The following NRG1 variants were observed in gnomAD, a reference collection of about 807,000 sequenced individuals.
NRG1 encodes pro-neuregulin-1, membrane-bound isoform.
Under a neutral mutation model 63.8 loss-of-function variants are expected in NRG1, and 18 were observed. The observed-to-expected ratio is 0.28, with a 90% CI of 0.19 to 0.42. The LOEUF is 0.42. NRG1 is among the 10% of genes least tolerant of loss of function. The pLI, the probability that NRG1 is intolerant of heterozygous loss-of-function variation, is 1.00. For synonymous variants in NRG1, 302 were observed against 301.3 expected, an observed-to-expected ratio of 1.00 and a Z score of -0.02; for missense variants, 762 against 814.7, an observed-to-expected ratio of 0.94 and a Z score of 0.79.
chr8:31,982,831 A>C (rs940945764), intron 1 of NRG1, among the ~76,000 whole-genome samples: 1 of 152,142 alleles, frequency 6.6e-6, no homozygotes, highest in Non-Finnish European at 1.5e-5. Context: ...GCTATTGGGC[A>C]TAGGCACCTA....
chr8:32,489,847 T>A (rs1411377071), intron 1 of NRG1, among the ~76,000 whole-genome samples: 1 of 152,170 alleles, frequency 6.6e-6, no homozygotes, highest in South Asian at 2.1e-4. Context: ...TCCAGAACAT[T>A]GTATTTGGAG....
chr8:32,608,099 TTTTTTTTG>T (rs1845638009), intron 3 of NRG1, among the ~76,000 whole-genome samples: 2 of 131,792 alleles, frequency 1.5e-5, no homozygotes, highest in African/African-American at 6.2e-5. Context: ...TTTGTTTTTT[TTTTTTTTG>T]TTTTTTTTTT....
At chr8:32,303,493 T>C (rs1441171865) in intron 1 of NRG1, among the ~76,000 whole-genome samples, 2 of 152,232 alleles carry the variant, frequency 1.3e-5, no homozygotes, top group African/African-American at 2.4e-5. Flanking sequence ...AGTTAGCTCA[T>C]TGGCAATTTC....
At chr8:32,235,641 T>C (rs118091698) in intron 1 of NRG1, among the ~76,000 whole-genome samples, 48 of 152,338 alleles carry the variant, frequency 3.2e-4, no homozygotes, top group Non-Finnish European at 5.1e-4. Flanking sequence ...TATTCTGGTT[T>C]GCCTGGGGTT....
intron 1 of NRG1, among the ~76,000 whole-genome samples, chr8:32,542,621 G>T (rs1327289293): frequency 6.6e-6 from 1 of 152,158 alleles, no homozygotes; most frequent in East Asian, 1.9e-4. Context: ...AGGCTCTAAG[G>T]CTGCAAAGGA....
At chr8:32,263,557 G>C (rs1247610424) in intron 1 of NRG1, among the ~76,000 whole-genome samples, 1 of 152,056 alleles carries the variant, frequency 6.6e-6, no homozygotes, top group Non-Finnish European at 1.5e-5. Flanking sequence ...CTTCTTCCTC[G>C]ATAGTTTCCC....
intron 3 of NRG1, among the ~76,000 whole-genome samples, chr8:32,614,004 GCAC>G (rs1032415177): frequency 9.2e-5 from 14 of 152,106 alleles, no homozygotes; most frequent in African/African-American, 2.6e-4. Context: ...CATATGATAA[GCAC>G]CTGTCTTCAT....
At chr8:32,164,810 G>A (rs555113440) in intron 1 of NRG1, among the ~76,000 whole-genome samples, 8 of 152,092 alleles carry the variant, frequency 5.3e-5, no homozygotes, top group Non-Finnish European at 4.4e-5. Context: ...CAATAAAATT[G>A]TTCCTTTTCC....
intron 1 of NRG1, among the ~76,000 whole-genome samples, chr8:32,378,725 C>T (rs1314600970): frequency 2.0e-5 from 3 of 151,990 alleles, no homozygotes; most frequent in African/African-American, 7.3e-5. Flanking sequence ...CCCAGTAACT[C>T]GTCATTTAAT....
chr8:32,510,096 A>AT (rs1828979493), intron 1 of NRG1, among the ~76,000 whole-genome samples: 13 of 108,032 alleles, frequency 1.2e-4, no homozygotes, highest in African/African-American at 2.0e-4. Context: ...ATCCTAGACA[A>AT]AAATAATAAT....
chr8:32,639,064 A>G (rs1005953249), intron 5 of NRG1, among the ~76,000 whole-genome samples: 29 of 152,110 alleles, frequency 1.9e-4, no homozygotes, highest in Non-Finnish European at 4.3e-4. Flanking sequence ...CTCTAAGGAA[A>G]ACGTATATTG....
At chr8:31,850,449 T>A (rs1827105184) in intron 1 of NRG1, among the ~76,000 whole-genome samples, 1 of 152,160 alleles carries the variant, frequency 6.6e-6, no homozygotes, top group Non-Finnish European at 1.5e-5. Flanking sequence ...TGAGGGTCCA[T>A]GGCAACTGAA....
chr8:32,456,845 A>G (rs1294497282), intron 1 of NRG1, among the ~76,000 whole-genome samples: 1 of 152,008 alleles, frequency 6.6e-6, no homozygotes, highest in Non-Finnish European at 1.5e-5. Context: ...AAGAAATTAG[A>G]TCTCCTGGCC....
At chr8:32,407,303 TA>T (rs1480461545) in intron 1 of NRG1, among the ~76,000 whole-genome samples, 11 of 3,016 alleles carry the variant, frequency 3.6e-3, no homozygotes, top group Admixed American at 6.9e-3. Flanking sequence ...ATTATATATA[TA>T]TATATATATA....
chr8:31,971,413 T>C (rs973941700), intron 1 of NRG1, among the ~76,000 whole-genome samples: 5 of 152,198 alleles, frequency 3.3e-5, no homozygotes, highest in Admixed American at 6.5e-5. Context: ...CATTTTAAGT[T>C]AATATTTTTA....
intron 1 of NRG1, among the ~76,000 whole-genome samples, chr8:32,082,390 C>T (rs1827598657): frequency 6.6e-6 from 1 of 151,918 alleles, no homozygotes; most frequent in African/African-American, 2.4e-5. Context: ...TCAAGTAGGC[C>T]CCAGTGTCTC....
chr8:32,509,087 ATTT>A (rs530869594), intron 1 of NRG1, among the ~76,000 whole-genome samples: 5 of 138,398 alleles, frequency 3.6e-5, no homozygotes, highest in Admixed American at 7.3e-5. Context: ...ATTTTATTTT[ATTT>A]TATTTTATAT....
At chr8:32,770,407 A>C (rs1474201467), downstream of NRG1, among the ~76,000 whole-genome samples, 1 of 152,174 alleles carries the variant, frequency 6.6e-6, no homozygotes, top group Non-Finnish European at 1.5e-5. Context: ...TTCTGACTGC[A>C]AATCCAGTTT....
At chr8:31,954,460 G>A (rs992605040) in intron 1 of NRG1, among the ~76,000 whole-genome samples, 1 of 152,172 alleles carries the variant, frequency 6.6e-6, no homozygotes, top group Non-Finnish European at 1.5e-5. Context: ...ATGTGTTTTA[G>A]TGTACCTAAA....
Sources: gnomAD v4.1 joint callset for allele counts (sites outside exome capture counted in the v4.1 genomes callset) on GRCh38, gnomAD v4.1.1 for gene constraint, MANE v1.5 for transcripts, NCBI Gene and HGNC (gene_info 2026-07-23, HGNC 2026-07-21) for gene names.